The following TNKS variants were observed in gnomAD, a reference collection of about 807,000 sequenced individuals.
TNKS encodes tankyrase.
Under a neutral mutation model 135.8 loss-of-function variants are expected in TNKS, and 72 were observed. The ratio of observed to expected loss-of-function variants is 0.53; its 90% CI spans 0.44 to 0.64. TNKS has a LOEUF of 0.64. Among genes scored for constraint, TNKS ranks in the 30% least tolerant of loss-of-function variants. The pLI, the probability that TNKS is intolerant of heterozygous loss-of-function variation, is 0.00. For synonymous variants in TNKS, 849 were observed against 649.3 expected (o/e 1.31, Z -4.68); for missense variants, 1,769 against 1,674.0 (o/e 1.06, Z -0.99).
At chr8:9,575,707 G>C (rs961976551) in intron 1 of TNKS, among the ~76,000 whole-genome samples, 1 of 152,070 alleles carries the variant, frequency 6.6e-6, no homozygotes, top group African/African-American at 2.4e-5. Context: ...AAGACAAATA[G>C]CCCAAAAGAA....
chr8:9,655,122 C>T (rs376882348), intron 3 of TNKS, among the ~76,000 whole-genome samples: 117 of 152,334 alleles, frequency 7.7e-4, no homozygotes, highest in Middle Eastern at 3.4e-3. Context: ...GAGGATCCTA[C>T]GCCCATGGAG....
chr8:9,670,933 T>C (rs1167001107), intron 3 of TNKS: 2 of 152,200 alleles, frequency 1.3e-5, no homozygotes, highest in Admixed American at 1.3e-4. Flanking sequence ...GAACCTAAGA[T>C]AGAAAATGCT....
At chr8:9,659,274 G>A (rs1337573837) in intron 3 of TNKS, among the ~76,000 whole-genome samples, 1 of 152,156 alleles carries the variant, frequency 6.6e-6, no homozygotes, top group Non-Finnish European at 1.5e-5. Flanking sequence ...CAAATCAACA[G>A]AATATACGTT....
intron 3 of TNKS, among the ~76,000 whole-genome samples, chr8:9,643,524 T>G (rs1174141694): frequency 6.6e-6 from 1 of 152,000 alleles, no homozygotes; most frequent in African/African-American, 2.4e-5. Context: ...AACTATTGCA[T>G]TGGGGATTAA....
chr8:9,596,275 C>G (rs1252983394), intron 2 of TNKS, among the ~76,000 whole-genome samples: 4 of 152,094 alleles, frequency 2.6e-5, no homozygotes, highest in South Asian at 2.1e-4. Flanking sequence ...TTATCTGAAA[C>G]TCATATATTA....
rs1392952012 is a variant in TNKS, at chr8:9,679,946, T to C, written c.995-5T>C. The C allele has an allele frequency of 6.2e-7, 1 of 1,612,202 alleles. No individual in the cohort carries two copies. The highest frequency in any genetic ancestry group is 2.2e-5 in the East Asian group (1 of 44,872). ...CTAACAGCATGATATTTTGCAATCA[T>C]CTAGGTGAATACAAGAAAGACGAAC... On this transcript the variant is annotated splice_region_variant and splice_polypyrimidine_tract_variant and intron_variant, in intron 3 of 26. Transcript: ENST00000310430.
rs1450795896 is a variant in TNKS, at chr8:9,781,727, T to G, written c.*4991T>G. On this transcript the variant is annotated 3_prime_UTR_variant, in exon 27 of 27. Transcript: ENST00000310430. ...ATGTTATGTTGCCTGGCAACAGCAC[T>G]CGGAGTAGTAATTGTGTTTTCTCAT... 1 of 152,674 alleles carries G rather than the reference T, an allele frequency of 6.5e-6. No homozygotes were observed. Among genetic ancestry groups the G allele is most frequent in the African/African-American group, 2.4e-5 (1 of 41,468 alleles). 9.5% of individuals were successfully genotyped at this position (152,674 alleles called of 1,614,324 possible).
Position 9,642,779 on chromosome 8 carries a change from A to G in TNKS, c.994+27102A>G, listed in dbSNP as rs765003649. Among the ~76,000 whole-genome samples, 33 of 146,116 alleles carry G rather than the reference A, an allele frequency of 2.3e-4. 4 individuals are homozygous for G. Among genetic ancestry groups the G allele is most frequent in the Non-Finnish European group, 4.1e-4 (27 of 66,628 alleles). On this transcript the variant is annotated intron_variant, in intron 3 of 26. Coordinates refer to ENST00000310430, the MANE Select transcript of TNKS (RefSeq NM_003747.3). ...ATGACACCTCTTTTAATAAATGTAC[A>G]TACTTCAGAATCTCATAAAAGTTCA...
chr8:9,617,939 G>A (rs1013889124), intron 3 of TNKS, among the ~76,000 whole-genome samples: 5 of 147,298 alleles, frequency 3.4e-5, no homozygotes, highest in African/African-American at 1.2e-4. Context: ...AAGTATTTAT[G>A]TGTTTTCCTT....
At chr8:9,763,051 T>A in intron 21 of TNKS, 96 bp from the exon 22 acceptor site, 1 of 546,472 alleles carries the variant, frequency 1.8e-6, no homozygotes, top group Non-Finnish European at 2.9e-6. Flanking sequence ...AAACCTCAAT[T>A]ACTTATTATG....
chr8:9,557,209 T>C (rs188920988), intron 1 of TNKS: 7 of 152,766 alleles, frequency 4.6e-5, no homozygotes, highest in African/African-American at 1.7e-4. Context: ...ATGGAAGAAA[T>C]ATAGGCTTTG....
chr8:9,585,440 T>C (rs1303148561), intron 2 of TNKS, among the ~76,000 whole-genome samples: 1 of 152,076 alleles, frequency 6.6e-6, no homozygotes, highest in Non-Finnish European at 1.5e-5. Flanking sequence ...TTGAAAAGGC[T>C]CAGGGAGCTC....
intron 1 of TNKS, chr8:9,575,043 C>G (rs1414758338): frequency 1.2e-5 from 12 of 985,180 alleles, no homozygotes; most frequent in Non-Finnish European, 1.4e-5. Context: ...GCCTGGATTG[C>G]CTTTGTCTTG....
intron 3 of TNKS, among the ~76,000 whole-genome samples, chr8:9,640,333 A>G (rs13251864): frequency 0.1 from 14,664 of 140,422 alleles, 1,020 homozygotes; most frequent in Admixed American, 0.17. Flanking sequence ...CATTCATGAG[A>G]GCGGAGCCCT....
chr8:9,733,448 T>G lies in TNKS; in HGVS notation c.2313+4T>G. On this transcript the variant is annotated splice_donor_region_variant and intron_variant, in intron 15 of 26. Coordinates refer to ENST00000310430, the MANE Select transcript of TNKS (RefSeq NM_003747.3). ...AATCTGCAAGCTCCTTTTAAAAGTATGTAGTTTAAAAAGTTATGAAATATA... is the reference window on the plus strand; with the variant it reads ...AATCTGCAAGCTCCTTTTAAAAGTAGGTAGTTTAAAAAGTTATGAAATATA... The G allele has an allele frequency of 6.2e-7, 1 of 1,609,090 alleles. No individual in the cohort carries two copies. Among genetic ancestry groups the G allele is most frequent in the Non-Finnish European group, 8.5e-7 (1 of 1,177,224 alleles).
chr8:9,664,160 G>T (rs576493747), intron 3 of TNKS, among the ~76,000 whole-genome samples: 1 of 152,346 alleles, frequency 6.6e-6, no homozygotes, highest in African/African-American at 2.4e-5. Context: ...TTGGCTCACA[G>T]TTTTGCAGGC....
intron 5 of TNKS, among the ~76,000 whole-genome samples, chr8:9,698,616 C>T (rs1404923592): frequency 6.6e-6 from 1 of 152,104 alleles, no homozygotes; most frequent in Non-Finnish European, 1.5e-5. Context: ...ATTTCCAAAG[C>T]CAGAATGCAA....
intron 3 of TNKS, among the ~76,000 whole-genome samples, chr8:9,625,199 T>C (rs954841546): frequency 2.6e-5 from 4 of 152,118 alleles, no homozygotes; most frequent in Non-Finnish European, 5.9e-5. Flanking sequence ...AGTTGTCAAA[T>C]TTGTGCATAG....
intron 18 of TNKS, among the ~76,000 whole-genome samples, chr8:9,751,304 C>T (rs1257264620): frequency 2.6e-5 from 4 of 152,102 alleles, no homozygotes; most frequent in East Asian, 1.9e-4. Context: ...GCTGTTTAAA[C>T]GTAAACAAAA....
Sources: gnomAD v4.1 joint callset for allele counts (sites outside exome capture counted in the v4.1 genomes callset) on GRCh38, gnomAD v4.1.1 for gene constraint, MANE v1.5 for transcripts, NCBI Gene and HGNC (gene_info 2026-07-23, HGNC 2026-07-21) for gene names.